FHIT: variants seen among roughly 807,000 people sequenced by gnomAD.
FHIT encodes fragile histidine triad diadenosine triphosphatase, also known as bis(5'-adenosyl)-triphosphatase.
Under a neutral mutation model 17.9 loss-of-function variants are expected in FHIT, and 19 were observed. The ratio of observed to expected loss-of-function variants is 1.06; its 90% CI spans 0.74 to 1.56. FHIT has a LOEUF of 1.56. FHIT is among the 40% of genes most tolerant of loss of function. FHIT has a pLI of 0.00. For missense variants in FHIT, 248 were observed against 189.2 expected (o/e 1.31, Z -1.82); for synonymous variants, 81 against 69.7 (o/e 1.16, Z -0.81).
intron 8 of FHIT, among the ~76,000 whole-genome samples, chr3:59,863,543 C>A (rs933331549): frequency 6.6e-6 from 1 of 152,156 alleles, no homozygotes; most frequent in Non-Finnish European, 1.5e-5. Flanking sequence ...CCTGAGTGAC[C>A]ATAAACCCAA....
intron 1 of FHIT, among the ~76,000 whole-genome samples, chr3:61,206,305 T>C (rs75418506): frequency 8.3e-6 from 1 of 119,864 alleles, no homozygotes; most frequent in African/African-American, 3.0e-5. Flanking sequence ...ATGCAGGCTC[T>C]TTTTTGGTTC....
chr3:60,153,474 A>G (rs1043623749), intron 5 of FHIT, among the ~76,000 whole-genome samples: 1 of 152,028 alleles, frequency 6.6e-6, no homozygotes, highest in Non-Finnish European at 1.5e-5. Flanking sequence ...CAGTCATTAC[A>G]CTAAAATTCT....
At chr3:60,216,329 T>C (rs375361939) in intron 5 of FHIT, among the ~76,000 whole-genome samples, 11 of 152,170 alleles carry the variant, frequency 7.2e-5, no homozygotes, top group African/African-American at 2.7e-4. Context: ...CAGATCTGTT[T>C]GTTTGTTTCC....
intron 4 of FHIT, among the ~76,000 whole-genome samples, chr3:60,638,736 C>G (rs2039652331): frequency 6.6e-6 from 1 of 151,546 alleles, no homozygotes; most frequent in Non-Finnish European, 1.5e-5. Context: ...TGATATATAA[C>G]CAAATATTTA....
At chr3:59,895,624 C>G (rs1336168862) in intron 8 of FHIT, among the ~76,000 whole-genome samples, 1 of 152,192 alleles carries the variant, frequency 6.6e-6, no homozygotes, top group Non-Finnish European at 1.5e-5. Context: ...ACTTGACCAG[C>G]ACCAACATAT....
intron 5 of FHIT, among the ~76,000 whole-genome samples, chr3:60,390,615 T>A (rs368484847): frequency 1.1e-4 from 16 of 152,148 alleles, no homozygotes; most frequent in East Asian, 9.7e-4. Flanking sequence ...CCTAAAGACC[T>A]TCCAGTGGGA....
At chr3:60,247,160 C>T (rs530040216) in intron 5 of FHIT, among the ~76,000 whole-genome samples, 54 of 151,990 alleles carry the variant, frequency 3.6e-4, no homozygotes, top group African/African-American at 1.3e-3. Flanking sequence ...AGGGAGTATT[C>T]GGGATGACTC....
Position 60,932,560 on chromosome 3 carries a change from C to T in FHIT, c.-111+109487G>A, listed in dbSNP as rs1708011144. On this transcript the variant is annotated intron_variant, in intron 3 of 9. Transcript: ENST00000492590. ...CACACTGCACAACTGAGACTTTTGA[C>T]AAGTGCCCACATTTTTCTAGCTTTG... 3.3e-5 allele frequency among the ~76,000 whole-genome samples: 5 copies of T among 152,302 alleles called. No homozygotes were observed. The South Asian group carries it at 1.0e-3, about 32-fold the overall frequency.
At chr3:60,208,612 T>C (rs553664610) in intron 5 of FHIT, among the ~76,000 whole-genome samples, 1 of 152,342 alleles carries the variant, frequency 6.6e-6, no homozygotes, top group South Asian at 2.1e-4. Context: ...CCAACATATG[T>C]ATTTTCAGTA....
intron 5 of FHIT, among the ~76,000 whole-genome samples, chr3:60,470,500 A>T (rs1385395608): frequency 6.6e-6 from 1 of 151,820 alleles, no homozygotes; most frequent in African/African-American, 2.4e-5. Flanking sequence ...TGCTCCGGGC[A>T]CATGGAGAGT....
At chr3:59,935,185 G>A (rs574749061) in intron 7 of FHIT, among the ~76,000 whole-genome samples, 1 of 152,248 alleles carries the variant, frequency 6.6e-6, no homozygotes, top group African/African-American at 2.4e-5. Context: ...CAGTGCCTTA[G>A]TAATGTCTCC....
intron 5 of FHIT, among the ~76,000 whole-genome samples, chr3:60,363,674 T>A (rs559394548): frequency 2.4e-4 from 36 of 152,150 alleles, no homozygotes; most frequent in African/African-American, 8.7e-4. Context: ...GTATCTCCTG[T>A]CCCCATCACT....
intron 3 of FHIT, among the ~76,000 whole-genome samples, chr3:60,878,969 T>C (rs1704822443): frequency 6.6e-6 from 1 of 152,236 alleles, no homozygotes. Context: ...TGTGTCTTTA[T>C]AGCAGCATGA....
At chr3:60,123,775 G>T (rs1333856915) in intron 5 of FHIT, among the ~76,000 whole-genome samples, 1 of 151,342 alleles carries the variant, frequency 6.6e-6, no homozygotes, top group Non-Finnish European at 1.5e-5. Context: ...GCAGACCACT[G>T]CAAGTGCTGC....
Position 60,802,022 on chromosome 3 carries a change from T to G in FHIT, c.-18+19897A>C, listed in dbSNP as rs188174216. ...CATAAGGGGTTAGAAACATATAATA[T>G]CCAACCTTCCTGTTTAACAGAGCCC... On this transcript the variant is annotated intron_variant, in intron 4 of 9. Coordinates refer to ENST00000492590, the MANE Select transcript of FHIT (RefSeq NM_002012.4). Among the ~76,000 whole-genome samples, 9 of 152,314 alleles carry G rather than the reference T, an allele frequency of 5.9e-5. No individual in the cohort carries two copies. In the East Asian group the frequency reaches 1.7e-3, roughly 29 times the overall value.
At chr3:61,077,193 G>T (rs1258446768) in intron 2 of FHIT, among the ~76,000 whole-genome samples, 1 of 152,096 alleles carries the variant, frequency 6.6e-6, no homozygotes, top group African/African-American at 2.4e-5. Flanking sequence ...AATTAATTCT[G>T]CCTAAGATAA....
At chr3:60,004,863 T>C (rs961367239) in intron 7 of FHIT, among the ~76,000 whole-genome samples, 3 of 152,216 alleles carry the variant, frequency 2.0e-5, no homozygotes, top group African/African-American at 7.2e-5. Flanking sequence ...TGAACATGTA[T>C]TGAGACTTTA....
chr3:60,854,972 G>C (rs1703322928), intron 3 of FHIT, among the ~76,000 whole-genome samples: 2 of 152,082 alleles, frequency 1.3e-5, no homozygotes, highest in Non-Finnish European at 2.9e-5. Context: ...ATCTAGGGAG[G>C]TTCAGGGAAT....
chr3:60,357,045 G>A (rs1012072979), intron 5 of FHIT, among the ~76,000 whole-genome samples: 19 of 152,190 alleles, frequency 1.2e-4, no homozygotes, highest in Admixed American at 7.9e-4. Flanking sequence ...ATACAGTCAG[G>A]TTCTAGTTCA....
Sources: gnomAD v4.1 joint callset for allele counts (sites outside exome capture counted in the v4.1 genomes callset) on GRCh38, gnomAD v4.1.1 for gene constraint, MANE v1.5 for transcripts, NCBI Gene and HGNC (gene_info 2026-07-23, HGNC 2026-07-21) for gene names.